Variants in MXI1 observed in about 807,000 individuals in gnomAD.
The protein encoded by MXI1 is MAX interactor 1, dimerization protein.
A neutral mutation model predicts 36.9 loss-of-function variants in MXI1; 18 were observed. The ratio of observed to expected loss-of-function variants is 0.49; its 90% CI spans 0.34 to 0.72. MXI1 has a LOEUF of 0.72. Ranked by LOEUF, MXI1 falls within the 30% of genes least tolerant of loss-of-function variation. The pLI is 0.01. For missense variants in MXI1, 304 were observed against 379.1 expected, an observed-to-expected ratio of 0.80 and a Z score of 1.64; for synonymous variants, 160 against 146.7, an observed-to-expected ratio of 1.09 and a Z score of -0.65.
chr10:110,245,120 GTTAA>G (rs2134393862), intron 3 of MXI1, among the ~76,000 whole-genome samples: 1 of 152,236 alleles, frequency 6.6e-6, no homozygotes, highest in East Asian at 1.9e-4. Flanking sequence ...CTGAAAATGA[GTTAA>G]TTGTTACAAG....
chr10:110,226,297 G>A (rs1481174134), intron 1 of MXI1: 17 of 1,492,588 alleles, frequency 1.1e-5, no homozygotes, highest in African/African-American at 5.7e-5. Flanking sequence ...ATGGCTGGGC[G>A]CCGCTGCGTG....
chr10:110,238,049 G>T (rs7089192), intron 2 of MXI1, among the ~76,000 whole-genome samples: 2,124 of 152,292 alleles, frequency 0.014, 44 homozygotes, highest in African/African-American at 0.049. Flanking sequence ...CAGAGCCTCT[G>T]TGCTTTTTCC....
chr10:110,276,746 T>C (rs750559689), intron 3 of MXI1, among the ~76,000 whole-genome samples: 1 of 152,196 alleles, frequency 6.6e-6, no homozygotes, highest in Admixed American at 6.5e-5. Flanking sequence ...TTCTAGGTTT[T>C]AGCAAGTATC....
chr10:110,243,404 C>T (rs1855744581), intron 2 of MXI1, among the ~76,000 whole-genome samples: 1 of 152,024 alleles, frequency 6.6e-6, no homozygotes, highest in Admixed American at 6.6e-5. Flanking sequence ...GACAGTAACT[C>T]AAAGAAGTCT....
intron 2 of MXI1, among the ~76,000 whole-genome samples, chr10:110,228,741 A>G (rs565910991): frequency 1.1e-3 from 167 of 152,332 alleles, no homozygotes; most frequent in Admixed American, 2.2e-3. Flanking sequence ...AAAAATATTT[A>G]GGTAGAATTG....
intron 1 of MXI1, among the ~76,000 whole-genome samples, chr10:110,216,756 T>A (rs373617403): frequency 2.2e-5 from 3 of 136,098 alleles, no homozygotes; most frequent in South Asian, 5.1e-4. Context: ...AACCTCTACC[T>A]CCTGGGCTCA....
chr10:110,213,456 A>G (rs1854556694), intron 1 of MXI1, among the ~76,000 whole-genome samples: 1 of 152,216 alleles, frequency 6.6e-6, no homozygotes. Context: ...GCATTCTTAA[A>G]TCAGGCCCTA....
chr10:110,220,233 G>A (rs1854766780), intron 1 of MXI1, among the ~76,000 whole-genome samples: 1 of 152,196 alleles, frequency 6.6e-6, no homozygotes, highest in African/African-American at 2.4e-5. Flanking sequence ...AATCTCAGAG[G>A]TGTGCTGAGG....
At chr10:110,225,809 G>A (rs1157733225) in intron 1 of MXI1, among the ~76,000 whole-genome samples, 1 of 152,186 alleles carries the variant, frequency 6.6e-6, no homozygotes, top group Non-Finnish European at 1.5e-5. Flanking sequence ...AACCCAGCGG[G>A]ACTACACCTT....
chr10:110,221,314 AG>A (rs1252541221), intron 1 of MXI1, among the ~76,000 whole-genome samples: 1 of 152,212 alleles, frequency 6.6e-6, no homozygotes, highest in African/African-American at 2.4e-5. Flanking sequence ...AGCTTTCTCA[AG>A]TGAAAAATGG....
At chr10:110,247,704 G>A (rs1394735303) in intron 3 of MXI1, among the ~76,000 whole-genome samples, 1 of 152,166 alleles carries the variant, frequency 6.6e-6, no homozygotes, top group African/African-American at 2.4e-5. Context: ...AACAGATGCT[G>A]GAGAGGATGT....
At chr10:110,227,896 A>C (rs892357416) in intron 1 of MXI1, 1 of 386,206 alleles carries the variant, frequency 2.6e-6, no homozygotes, top group Non-Finnish European at 4.8e-6. Flanking sequence ...ACTGGTCACA[A>C]AATTTTTGTT....
intron 3 of MXI1, chr10:110,257,776 C>T (rs1007911731): frequency 4.0e-5 from 13 of 321,604 alleles, no homozygotes; most frequent in South Asian, 1.4e-4. Context: ...TCCAGAGACG[C>T]GTACTTTATA....
chr10:110,237,875 A>G (rs1308801323), intron 2 of MXI1, among the ~76,000 whole-genome samples: 2 of 152,174 alleles, frequency 1.3e-5, no homozygotes, highest in Non-Finnish European at 2.9e-5. Context: ...TCCTGGGCTC[A>G]AGGCAGTCCT....
chr10:110,276,998 A>G (rs1281286976), intron 3 of MXI1, among the ~76,000 whole-genome samples: 1 of 152,036 alleles, frequency 6.6e-6, no homozygotes, highest in Non-Finnish European at 1.5e-5. Flanking sequence ...GGCGTGCACC[A>G]CCATGCGCAG....
At chr10:110,249,937 A>C (rs1856014337) in intron 3 of MXI1, among the ~76,000 whole-genome samples, 1 of 152,142 alleles carries the variant, frequency 6.6e-6, no homozygotes, top group African/African-American at 2.4e-5. Context: ...CAAAACCGTG[A>C]GATTGTTGAA....
intron 3 of MXI1, among the ~76,000 whole-genome samples, chr10:110,262,028 A>C (rs978980706): frequency 6.6e-6 from 1 of 152,136 alleles, no homozygotes; most frequent in Non-Finnish European, 1.5e-5. Context: ...AAATGAAAAT[A>C]AGCAAATTGC....
chr10:110,241,570 AC>A (rs1258129556), intron 2 of MXI1, among the ~76,000 whole-genome samples: 1 of 151,458 alleles, frequency 6.6e-6, no homozygotes, highest in Non-Finnish European at 1.5e-5. Context: ...TCTGTAATAT[AC>A]TCCTAAACCT....
Position 110,207,961 on chromosome 10 carries a change from C to T in MXI1, c.153C>T (p.Phe51=), listed in dbSNP as rs1854403690. ...DPAGAKPRCP[F]SDIFNTSENS... is the part of the protein sequence containing the mutation. ...CTGGGGCCAAGCCCAGGTGCCCCTTCTCAGACATTTTCAACACCAGCGAGA... is the reference window on the plus strand; with the variant it reads ...CTGGGGCCAAGCCCAGGTGCCCCTTTTCAGACATTTTCAACACCAGCGAGA... Residue 51 remains phenylalanine, a synonymous_variant, in exon 1 of 6, where the codon TTC becomes TTT. Coordinates refer to ENST00000332674, the MANE Select transcript of MXI1 (RefSeq NM_130439.3). The T allele has an allele frequency of 1.9e-6, 3 of 1,598,434 alleles. No homozygotes were observed. Among genetic ancestry groups the T allele is most frequent in the Non-Finnish European group, 2.6e-6 (3 of 1,173,018 alleles).
Sources: allele counts gnomAD v4.1 joint callset (sites outside exome capture counted in the v4.1 genomes callset), GRCh38; gene constraint gnomAD v4.1.1; transcripts MANE v1.5; gene names NCBI Gene and HGNC (gene_info 2026-07-23, HGNC 2026-07-21).